The following NECAB2 variants were observed in gnomAD, a reference collection of about 807,000 sequenced individuals.
NECAB2 encodes N-terminal EF-hand calcium binding protein 2.
Under a neutral mutation model 51.9 loss-of-function variants are expected in NECAB2, and 68 were observed. The ratio of observed to expected loss-of-function variants is 1.31; its 90% CI spans 1.08 to 1.60. The LOEUF (loss-of-function observed/expected upper bound fraction) is 1.60, where lower values mean the gene tolerates loss of function less well. Ranked by LOEUF, NECAB2 falls within the 40% of genes most tolerant of loss-of-function variation. The pLI, the probability that NECAB2 is intolerant of heterozygous loss-of-function variation, is 0.00. For missense variants in NECAB2, 854 were observed against 490.3 expected, an observed-to-expected ratio of 1.74 and a Z score of -7.00; for synonymous variants, 329 against 203.5, an observed-to-expected ratio of 1.62 and a Z score of -5.25.
chr16:83,982,217 C>T (rs1440179729), intron 5 of NECAB2, among the ~76,000 whole-genome samples: 1 of 152,184 alleles, frequency 6.6e-6, no homozygotes, highest in African/African-American at 2.4e-5. Context: ...CAGTTAGTGA[C>T]CGCCATGTAT....
chr16:83,985,090 A>T (rs1416470081), intron 5 of NECAB2, among the ~76,000 whole-genome samples: 1 of 152,042 alleles, frequency 6.6e-6, no homozygotes, highest in Non-Finnish European at 1.5e-5. Context: ...GGGCGGGCAG[A>T]TCACCTGAGG....
rs944574582 is a variant in NECAB2 at position 83,995,077 on chromosome 16, T to C, written c.795+389T>C. Among the ~76,000 whole-genome samples, 6 of 152,204 alleles carry C rather than the reference T, an allele frequency of 3.9e-5. No individual in the cohort carries two copies. The Middle Eastern group carries it at 0.014, about 345-fold the overall frequency. On this transcript the variant is annotated intron_variant, in intron 8 of 12. Coordinates refer to ENST00000305202, the MANE Select transcript of NECAB2 (RefSeq NM_019065.3). The stretch of plus-strand genomic sequence containing the variant: ...GCAGCACCAGGATGAAAGAGAGACG[T>C]GATGATTCGAGAGAGTTTCAAAACA...
chr16:83,988,488 C>CT (rs1462962537), intron 5 of NECAB2, among the ~76,000 whole-genome samples: 1 of 152,108 alleles, frequency 6.6e-6, no homozygotes, highest in Non-Finnish European at 1.5e-5. Context: ...GCTTTATTGA[C>CT]TAAATCCAAT....
Position 83,968,674 on chromosome 16 carries a change from G to A in NECAB2, c.26G>A (p.Cys9Tyr). The A allele has an allele frequency of 3.0e-6, 3 of 986,084 alleles. No individual in the cohort carries two copies. Among genetic ancestry groups the A allele is most frequent in the Non-Finnish European group, 3.6e-6 (3 of 832,026 alleles). The allele number at this position is 986,084 out of a possible 1,614,324, so 61.1% of individuals were successfully genotyped here. A position where few individuals can be genotyped will look rare whatever the true frequency, so the allele number is the denominator to read the frequency against. MCERAARLCRAGAHRLLRE... is the reference protein window; with the variant it reads MCERAARLYRAGAHRLLRE... ...ATGTGCGAGCGGGCGGCGCGCCTGT[G>A]CAGGGCCGGCGCGCACAGGCTGCTC... Residue 9 changes from cysteine (C) to tyrosine (Y), a missense_variant, in exon 1 of 13, where the codon TGC becomes TAC. Transcript: ENST00000305202.
intron 5 of NECAB2, among the ~76,000 whole-genome samples, chr16:83,987,808 T>C (rs2084574564): frequency 6.6e-6 from 1 of 152,200 alleles, no homozygotes; most frequent in African/African-American, 2.4e-5. Context: ...TTATCAGAGT[T>C]GGGGAATTAC....
intron 6 of NECAB2, among the ~76,000 whole-genome samples, chr16:83,991,224 C>T (rs927661381): frequency 1.9e-4 from 29 of 151,970 alleles, no homozygotes; most frequent in African/African-American, 7.0e-4. Flanking sequence ...CTCACGTGAT[C>T]CACCTGCCTT....
intron 12 of NECAB2, 41 bp downstream of exon 12, chr16:84,001,957 GGA>G: frequency 6.3e-7 from 1 of 1,593,668 alleles, no homozygotes; most frequent in Non-Finnish European, 8.6e-7. Flanking sequence ...CCACCTGACT[GGA>G]GAGAAGGGCA....
chr16:83,965,756 C>G, upstream of NECAB2: 2 of 1,613,432 alleles, frequency 1.2e-6, no homozygotes, highest in Non-Finnish European at 1.7e-6. Context: ...GGTGCTGGTC[C>G]TCATCGGCTC....
rs2084792441 is a variant in NECAB2 at position 83,999,979 on chromosome 16, A to C, written c.963-745A>C. Among the ~76,000 whole-genome samples, 7 of 152,148 alleles carry C rather than the reference A, an allele frequency of 4.6e-5. No individual in the cohort carries two copies. In the South Asian group the frequency reaches 1.5e-3, roughly 32 times the overall value. ...TCAGCTCACTGCAACCTCTCACCAGAGGGTTTAAATGAGTCTCATGCCTCA... is the reference window on the plus strand; with the variant it reads ...TCAGCTCACTGCAACCTCTCACCAGCGGGTTTAAATGAGTCTCATGCCTCA... On this transcript the variant is annotated intron_variant, in intron 10 of 12. Transcript: ENST00000305202.
At position 83,968,624 on chromosome 16, in the gene NECAB2, G is replaced by T. The variant is rs904411187; in HGVS notation, c.-25G>T. The T allele has an allele frequency of 1.7e-5, 17 of 978,554 alleles. No individual in the cohort carries two copies. The African/African-American group carries it at 2.7e-4, about 15-fold the overall frequency. 60.6% of individuals were successfully genotyped at this position (978,554 alleles called of 1,614,324 possible). On this transcript the variant is annotated 5_prime_UTR_variant, in exon 1 of 13. Coordinates refer to ENST00000305202, the MANE Select transcript of NECAB2 (RefSeq NM_019065.3). ...GCTGGGCGGGGGTCGGCGGGCTTCCGGGCGGCGGCGGCGGGCGCGGCGCGA... is the reference window on the plus strand; with the variant it reads ...GCTGGGCGGGGGTCGGCGGGCTTCCTGGCGGCGGCGGCGGGCGCGGCGCGA...
At chr16:83,997,726 C>G (rs1273617845) in intron 9 of NECAB2, among the ~76,000 whole-genome samples, 1 of 151,982 alleles carries the variant, frequency 6.6e-6, no homozygotes. Context: ...AACTCCTATC[C>G]TCATGATCTG....
At chr16:83,973,748 A>G (rs1019150337) in intron 2 of NECAB2, among the ~76,000 whole-genome samples, 1 of 150,728 alleles carries the variant, frequency 6.6e-6, no homozygotes, top group African/African-American at 2.4e-5. Context: ...GTCCTCGGTA[A>G]ATGTCTGTAG....
intron 5 of NECAB2, among the ~76,000 whole-genome samples, chr16:83,989,176 T>C (rs191106616): frequency 2.6e-5 from 4 of 152,326 alleles, no homozygotes; most frequent in Admixed American, 6.5e-5. Flanking sequence ...CATTCGCGTG[T>C]CTGGAGTCTG....
intron 10 of NECAB2, among the ~76,000 whole-genome samples, chr16:83,998,624 G>T (rs60753664): frequency 3.0e-3 from 458 of 152,298 alleles, no homozygotes; most frequent in African/African-American, 0.01. Context: ...CAAGTGTGAA[G>T]GGCTCCAGCT....
rs182401388 is a variant in NECAB2 at position 83,969,697 on chromosome 16, C to G, written c.201+848C>G. On this transcript the variant is annotated intron_variant, in intron 1 of 12. Transcript: ENST00000305202. ...CTCGGAGGAGGAGGACTTCTCCCAGCAGAGAGTGCTAGGAGGAGGTGGAGG... is the reference window on the plus strand; with the variant it reads ...CTCGGAGGAGGAGGACTTCTCCCAGGAGAGAGTGCTAGGAGGAGGTGGAGG... 2.3e-3 allele frequency among the ~76,000 whole-genome samples: 349 copies of G among 152,210 alleles called. 3 individuals carry two copies. The highest frequency in any genetic ancestry group is 8.1e-3 in the African/African-American group (338 of 41,546).
chr16:83,974,578 CATTG>C (rs1429343728), intron 2 of NECAB2, among the ~76,000 whole-genome samples: 1 of 152,200 alleles, frequency 6.6e-6, no homozygotes, highest in African/African-American at 2.4e-5. Context: ...CTTTAATCTT[CATTG>C]TGATCCTCCT....
chr16:83,994,653 C>T lies in NECAB2; in HGVS notation c.760C>T (p.Arg254Cys), dbSNP rs1220967117. 8 of 1,614,136 alleles carry T rather than the reference C, an allele frequency of 5.0e-6. No homozygotes were observed. The highest frequency in any genetic ancestry group is 2.2e-5 in the South Asian group (2 of 91,084). Residue 254 changes from arginine to cysteine, a missense_variant, in exon 8 of 13, where the codon CGC (arginine) becomes TGC (cysteine). Physicochemically the swap from Arg to Cys is radical, Grantham distance 180. Transcript: ENST00000305202. ...KEEGLEAQISRLAELIGRLES... is the reference protein window; with the variant it reads ...KEEGLEAQISCLAELIGRLES... ...AGAGGGTCTGGAAGCCCAGATCAGC[C>T]GCTTGGCAGAGCTGATTGGGAGGCT...
chr16:83,974,063 C>T (rs1281785724), intron 2 of NECAB2, among the ~76,000 whole-genome samples: 1 of 151,972 alleles, frequency 6.6e-6, no homozygotes, highest in African/African-American at 2.4e-5. Context: ...CTGTGGGACT[C>T]TCAGTTTCCT....
chr16:83,981,199 G>A, intron 5 of NECAB2, 72 bp downstream of exon 5: 3 of 1,425,274 alleles, frequency 2.1e-6, no homozygotes, highest in South Asian at 1.2e-5. Flanking sequence ...GCCTAAGGAT[G>A]CCTGGATTTT....
Sources: allele counts gnomAD v4.1 joint callset (sites outside exome capture counted in the v4.1 genomes callset), GRCh38; gene constraint gnomAD v4.1.1; transcripts MANE v1.5; gene names NCBI Gene and HGNC (gene_info 2026-07-23, HGNC 2026-07-21).